The following PCDHA5 variants were observed in gnomAD, a reference collection of about 807,000 sequenced individuals.
PCDHA5 encodes protocadherin alpha-5.
In PCDHA5, 43 loss-of-function variants were observed where a neutral mutation model predicts 61.6. The observed-to-expected ratio is 0.70, with a 90% CI of 0.55 to 0.90. The LOEUF (loss-of-function observed/expected upper bound fraction) is 0.90, where lower values mean the gene tolerates loss of function less well. Ranked by LOEUF, PCDHA5 falls within the 40% of genes least tolerant of loss-of-function variation. The pLI is 0.00. For missense variants in PCDHA5, 1,298 were observed against 1,222.7 expected, an observed-to-expected ratio of 1.06 and a Z score of -0.92; for synonymous variants, 627 against 543.9, an observed-to-expected ratio of 1.15 and a Z score of -2.13.
At chr5:140,946,631 T>TATATATATAC (rs57893927) in intron 1 of PCDHA5, among the ~76,000 whole-genome samples, 18,480 of 131,524 alleles carry the variant, frequency 0.14, 1,838 homozygotes, top group East Asian at 0.38. Context: ...TATATATATA[T>TATATATATAC]ACAATGGAAT....
intron 1 of PCDHA5, among the ~76,000 whole-genome samples, chr5:140,935,745 T>C (rs564797649): frequency 6.6e-6 from 1 of 152,324 alleles, no homozygotes; most frequent in South Asian, 2.1e-4. Flanking sequence ...TATTATTCCA[T>C]ACAATACACA....
intron 1 of PCDHA5, among the ~76,000 whole-genome samples, chr5:140,879,652 TAACA>T (rs2058069934): frequency 6.6e-6 from 1 of 152,226 alleles, no homozygotes; most frequent in African/African-American, 2.4e-5. Context: ...GTGGCTGCTA[TAACA>T]AACGAACACA....
intron 3 of PCDHA5, among the ~76,000 whole-genome samples, chr5:140,986,013 A>C (rs544858025): frequency 6.6e-6 from 1 of 152,298 alleles, no homozygotes; most frequent in Admixed American, 6.5e-5. Flanking sequence ...TGCTGGGATT[A>C]CAGGCGTGAG....
chr5:140,884,403 T>A, intron 1 of PCDHA5: 1 of 1,613,992 alleles, frequency 6.2e-7, no homozygotes, highest in Middle Eastern at 1.6e-4. Context: ...AGCCTGTTGG[T>A]GCTCACGTTG....
chr5:140,877,406 A>G (rs1554169685), intron 1 of PCDHA5: 2 of 1,613,868 alleles, frequency 1.2e-6, no homozygotes, highest in East Asian at 2.2e-5. Flanking sequence ...GCTCCGCGCC[A>G]CCGCCTGCTG....
At chr5:140,841,293 T>C in intron 1 of PCDHA5, 3 of 1,494,776 alleles carry the variant, frequency 2.0e-6, no homozygotes, top group Non-Finnish European at 1.8e-6. Flanking sequence ...ATTAAGATAA[T>C]ATTTTCTGAT....
At chr5:140,927,436 T>A (rs776039540) in intron 1 of PCDHA5, 1 of 1,614,132 alleles carries the variant, frequency 6.2e-7, no homozygotes, top group Non-Finnish European at 8.5e-7. Context: ...CGGCAGCGAA[T>A]ACCCGGAGTT....
Position 140,858,425 on chromosome 5 carries a change from C to A in PCDHA5, c.2352+34298C>A, listed in dbSNP as rs373682195. Reference sequence around the variant, plus strand: ...GGAAGATCAGTCTATTGGAGGGGACCACTCTAGGAAGGTGGGTTATTACGT... The same window carrying A: ...GGAAGATCAGTCTATTGGAGGGGACAACTCTAGGAAGGTGGGTTATTACGT... On this transcript the variant is annotated intron_variant, in intron 1 of 3. Coordinates refer to ENST00000529859, the MANE Select transcript of PCDHA5 (RefSeq NM_018908.3). The A allele has an allele frequency of 1.2e-5, 18 of 1,552,696 alleles. 1 individual carries two copies. In the African/African-American group the frequency reaches 2.3e-4, roughly 20 times the overall value.
intron 1 of PCDHA5, chr5:140,835,489 T>A: frequency 1.2e-6 from 2 of 1,613,950 alleles, no homozygotes; most frequent in Non-Finnish European, 1.7e-6. Context: ...GGTACCGTCA[T>A]CACATTGATT....
Position 141,010,819 on chromosome 5 carries a change from TG to T in PCDHA5, c.*883del, listed in dbSNP as rs2098418471. ...AAAACCCCGACACCTCACCTTTCGCTGTTTGTTGTTTCATAGATTTATTTAA... is the reference window on the plus strand; with the variant it reads ...AAAACCCCGACACCTCACCTTTCGCTTTTGTTGTTTCATAGATTTATTTAA... On this transcript the variant is annotated 3_prime_UTR_variant, in exon 4 of 4. Coordinates refer to ENST00000529859, the MANE Select transcript of PCDHA5 (RefSeq NM_018908.3). The T allele has an allele frequency of 6.5e-6, 1 of 153,784 alleles. No individual in the cohort carries two copies. The highest frequency in any genetic ancestry group is 2.1e-4 in the South Asian group (1 of 4,838). 9.5% of individuals were successfully genotyped at this position (153,784 alleles called of 1,614,324 possible).
chr5:140,870,911 A>G (rs782609021), intron 1 of PCDHA5: 2 of 1,613,910 alleles, frequency 1.2e-6, no homozygotes, highest in Non-Finnish European at 1.7e-6. Context: ...TCAGGCTACA[A>G]CGCGTGGCTT....
At chr5:140,871,305 G>T in intron 1 of PCDHA5, 14 of 1,613,992 alleles carry the variant, frequency 8.7e-6, no homozygotes, top group Non-Finnish European at 1.1e-5. Context: ...GCGCGCCGGG[G>T]AAGCCCACGC....
intron 1 of PCDHA5, chr5:140,841,532 C>T (rs2150317529): frequency 3.7e-6 from 6 of 1,613,694 alleles, no homozygotes; most frequent in Non-Finnish European, 5.1e-6. Context: ...GTCCAAAAGA[C>T]ACCGGGACCT....
At chr5:140,917,776 A>G (rs1222024686) in intron 1 of PCDHA5, among the ~76,000 whole-genome samples, 2 of 152,044 alleles carry the variant, frequency 1.3e-5, no homozygotes, top group Non-Finnish European at 2.9e-5. Flanking sequence ...TATTAGTACC[A>G]TGTTGTTTTG....
chr5:140,885,861 A>G (rs1329895164), intron 1 of PCDHA5, among the ~76,000 whole-genome samples: 1 of 152,104 alleles, frequency 6.6e-6, no homozygotes, highest in African/African-American at 2.4e-5. Context: ...CTACTTTTCT[A>G]TTGAAAAAAA....
chr5:140,841,812 C>T (rs1777513901), intron 1 of PCDHA5: 1 of 1,613,912 alleles, frequency 6.2e-7, no homozygotes, highest in African/African-American at 1.3e-5. Context: ...GATGTTGGAG[C>T]TAACTCCGTG....
intron 1 of PCDHA5, among the ~76,000 whole-genome samples, chr5:140,874,822 T>C (rs2055124014): frequency 6.6e-6 from 1 of 152,252 alleles, no homozygotes; most frequent in East Asian, 1.9e-4. Context: ...TTTATATAAA[T>C]GAAATATTGT....
At chr5:140,840,931 G>T (rs529661807) in intron 1 of PCDHA5, among the ~76,000 whole-genome samples, 1 of 151,938 alleles carries the variant, frequency 6.6e-6, no homozygotes, top group Non-Finnish European at 1.5e-5. Flanking sequence ...TAATTGATAC[G>T]ATATTTGAAA....
chr5:140,967,870 G>A (rs782622860), intron 1 of PCDHA5: 31 of 1,614,152 alleles, frequency 1.9e-5, no homozygotes, highest in Non-Finnish European at 2.5e-5. Flanking sequence ...TGGTGCTCAC[G>A]GACCTGTATA....
Sources: gnomAD v4.1 joint callset for allele counts (sites outside exome capture counted in the v4.1 genomes callset) on GRCh38, gnomAD v4.1.1 for gene constraint, MANE v1.5 for transcripts, NCBI Gene and HGNC (gene_info 2026-07-23, HGNC 2026-07-21) for gene names.